The following EBF1 variants were observed in gnomAD, a reference collection of about 807,000 sequenced individuals.
The protein encoded by EBF1 is EBF transcription factor 1, also known as transcription factor COE1.
Under a neutral mutation model 68.4 loss-of-function variants are expected in EBF1, and 10 were observed. That is an observed-to-expected ratio of 0.15 (90% CI 0.09 to 0.25). EBF1 has a LOEUF of 0.25. Among genes scored for constraint, EBF1 ranks in the 10% least tolerant of loss-of-function variants. The pLI is 1.00. For missense variants in EBF1, 509 were observed against 794.4 expected (o/e 0.64, Z 4.32); for synonymous variants, 298 against 299.8 (o/e 0.99, Z 0.06).
At chr5:158,841,389 A>T (rs1288276915) in intron 6 of EBF1, among the ~76,000 whole-genome samples, 1 of 152,204 alleles carries the variant, frequency 6.6e-6, no homozygotes, top group Non-Finnish European at 1.5e-5. Flanking sequence ...ATTTCCAAAG[A>T]TACCTAAGTT....
chr5:158,983,922 G>A (rs997310818), intron 6 of EBF1, among the ~76,000 whole-genome samples: 1 of 151,650 alleles, frequency 6.6e-6, no homozygotes, highest in African/African-American at 2.4e-5. Context: ...GTGTGTGTGT[G>A]TGTGTGTGTG....
intron 6 of EBF1, among the ~76,000 whole-genome samples, chr5:158,891,711 A>G (rs1005571527): frequency 7.2e-5 from 11 of 152,168 alleles, no homozygotes; most frequent in African/African-American, 2.7e-4. Flanking sequence ...TGCTGTAGAC[A>G]CACACAATAT....
chr5:158,932,033 T>A (rs942458603), intron 6 of EBF1, among the ~76,000 whole-genome samples: 1 of 152,198 alleles, frequency 6.6e-6, no homozygotes, highest in Non-Finnish European at 1.5e-5. Flanking sequence ...AGCACCAGTA[T>A]GGATACAGTG....
At chr5:159,052,910 G>C (rs1231833992) in intron 6 of EBF1, among the ~76,000 whole-genome samples, 2 of 152,138 alleles carry the variant, frequency 1.3e-5, no homozygotes, top group African/African-American at 2.4e-5. Flanking sequence ...CAGCTGTCTC[G>C]GTCAAATTAT....
chr5:158,929,209 G>A (rs1188418584), intron 6 of EBF1, among the ~76,000 whole-genome samples: 1 of 152,122 alleles, frequency 6.6e-6, no homozygotes, highest in Non-Finnish European at 1.5e-5. Context: ...GAGCGTCCTG[G>A]TCCACAGATG....
chr5:158,899,299 T>C (rs1802798740), intron 6 of EBF1, among the ~76,000 whole-genome samples: 1 of 152,216 alleles, frequency 6.6e-6, no homozygotes, highest in Admixed American at 6.5e-5. Flanking sequence ...TGATTTAGCA[T>C]AAAACATATG....
chr5:158,722,540 G>A lies in EBF1; in HGVS notation c.1126-8358C>T, dbSNP rs114561498. On this transcript the variant is annotated intron_variant, in intron 11 of 15. Transcript: ENST00000313708. Reference sequence around the variant, plus strand: ...CACGTGCATATTTATATTTTTGGACGTATACTATAGGGAAACTTGAGTGAC... The same window carrying A: ...CACGTGCATATTTATATTTTTGGACATATACTATAGGGAAACTTGAGTGAC... Among the ~76,000 whole-genome samples, 1,494 of 152,248 alleles carry A rather than the reference G, an allele frequency of 9.8e-3. 29 individuals are homozygous for A. The highest frequency in any genetic ancestry group is 0.032 in the African/African-American group (1,312 of 41,562).
chr5:158,737,969 T>C (rs1765566804), intron 10 of EBF1, among the ~76,000 whole-genome samples: 1 of 152,170 alleles, frequency 6.6e-6, no homozygotes, highest in Admixed American at 6.5e-5. Context: ...TGCTTTTGTT[T>C]TTCAAAATGA....
chr5:159,051,459 C>T (rs945873588), intron 6 of EBF1, among the ~76,000 whole-genome samples: 1 of 143,238 alleles, frequency 7.0e-6, no homozygotes, highest in Admixed American at 7.0e-5. Flanking sequence ...CGCCGCCCGG[C>T]GGCTGACGGC....
intron 15 of EBF1, among the ~76,000 whole-genome samples, chr5:158,703,744 G>A (rs1757263137): frequency 6.6e-6 from 1 of 152,140 alleles, no homozygotes; most frequent in African/African-American, 2.4e-5. Context: ...GTCTGTCTCT[G>A]CTTCTTGGCT....
At chr5:158,720,035 A>G (rs1761599766) in intron 11 of EBF1, among the ~76,000 whole-genome samples, 1 of 152,160 alleles carries the variant, frequency 6.6e-6, no homozygotes, top group East Asian at 1.9e-4. Flanking sequence ...TTTATCACCA[A>G]TCTACTTTGC....
At chr5:158,779,112 G>A (rs955323331) in intron 9 of EBF1, among the ~76,000 whole-genome samples, 3 of 152,138 alleles carry the variant, frequency 2.0e-5, no homozygotes, top group Non-Finnish European at 4.4e-5. Context: ...TAATTGTTGA[G>A]ACACTGTTAC....
intron 6 of EBF1, among the ~76,000 whole-genome samples, chr5:158,898,055 A>C (rs879858752): frequency 6.6e-6 from 1 of 152,158 alleles, no homozygotes. Flanking sequence ...CTTTTGTTGG[A>C]GTTTTGTTCC....
chr5:159,042,007 T>G (rs1302601849), intron 6 of EBF1, among the ~76,000 whole-genome samples: 1 of 152,230 alleles, frequency 6.6e-6, no homozygotes, highest in African/African-American at 2.4e-5. Flanking sequence ...ACAGTGGAAT[T>G]TATGAATGAG....
intron 14 of EBF1, among the ~76,000 whole-genome samples, chr5:158,708,966 C>T (rs1214902644): frequency 6.6e-6 from 1 of 152,166 alleles, no homozygotes; most frequent in Non-Finnish European, 1.5e-5. Context: ...AAAACTCTGG[C>T]AACTCAGAGA....
At chr5:158,725,131 T>C (rs1762732928) in intron 11 of EBF1, among the ~76,000 whole-genome samples, 1 of 152,210 alleles carries the variant, frequency 6.6e-6, no homozygotes, top group Non-Finnish European at 1.5e-5. Context: ...AAGGAGAAGC[T>C]ACCGTGAGGA....
At chr5:158,993,135 C>G (rs1760720986) in intron 6 of EBF1, among the ~76,000 whole-genome samples, 1 of 149,544 alleles carries the variant, frequency 6.7e-6, no homozygotes, top group Non-Finnish European at 1.5e-5. Flanking sequence ...TCACCTCCGC[C>G]TCCTGGGCTC....
At chr5:159,093,100 A>T (rs1156866494) in intron 4 of EBF1, among the ~76,000 whole-genome samples, 1 of 152,174 alleles carries the variant, frequency 6.6e-6, no homozygotes, top group Non-Finnish European at 1.5e-5. Context: ...TTTATGTCAC[A>T]CCTAGGGAAA....
chr5:158,859,310 C>T (rs1016150493), intron 6 of EBF1, among the ~76,000 whole-genome samples: 1 of 152,266 alleles, frequency 6.6e-6, no homozygotes, highest in Non-Finnish European at 1.5e-5. Context: ...GCCTGTAATG[C>T]CTTTCTCTCC....
Sources: allele counts gnomAD v4.1 joint callset (sites outside exome capture counted in the v4.1 genomes callset), GRCh38; gene constraint gnomAD v4.1.1; transcripts MANE v1.5; gene names NCBI Gene and HGNC (gene_info 2026-07-23, HGNC 2026-07-21).